HMX1: variants seen among roughly 807,000 people sequenced by gnomAD.
The protein encoded by HMX1 is H6 family homeobox 1, also known as homeobox protein HMX1.
In HMX1, 8 loss-of-function variants were observed where a neutral mutation model predicts 8.9. The ratio of observed to expected loss-of-function variants is 0.90; its 90% confidence interval spans 0.53 to 1.63. The LOEUF is 1.63. HMX1 is among the 40% of genes most tolerant of loss of function. The pLI is 0.00. For missense variants in HMX1, 621 were observed against 558.5 expected (o/e 1.11, Z -1.13); for synonymous variants, 311 against 283.4 (o/e 1.10, Z -0.98).
intron 1 of HMX1, among the ~76,000 whole-genome samples, chr4:8,855,955 G>A (rs566833791): frequency 6.6e-6 from 1 of 152,302 alleles, no homozygotes; most frequent in Non-Finnish European, 1.5e-5. Context: ...GGGGATCTAC[G>A]CCCTCCAGCG....
At position 8,867,125 on chromosome 4, in the gene HMX1, G is replaced by A; in HGVS notation, c.*568C>T. 3 of 985,492 alleles carry A rather than the reference G, an allele frequency of 3.0e-6. No homozygotes were observed. The highest frequency in any genetic ancestry group is 3.6e-6 in the Non-Finnish European group (3 of 829,972). 61.0% of individuals were successfully genotyped at this position (985,492 alleles called of 1,614,324 possible). On this transcript the variant is annotated 3_prime_UTR_variant, in exon 2 of 2. Coordinates refer to ENST00000400677, the MANE Select transcript of HMX1 (RefSeq NM_018942.3). Reference sequence around the variant, plus strand: ...AAAACAACAACCCGGAGGCTGCGACGTCTGCAGAGAGCCCCAGCCTGCCTG... The same window carrying A: ...AAAACAACAACCCGGAGGCTGCGACATCTGCAGAGAGCCCCAGCCTGCCTG...
chr4:8,871,609 AGGCATCGC>A lies in HMX1; in HGVS notation c.-3_5del. The A allele has an allele frequency of 7.7e-7, 1 of 1,295,764 alleles. No individual in the cohort carries two copies. Among genetic ancestry groups the A allele is most frequent in the Non-Finnish European group, 9.8e-7 (1 of 1,022,240 alleles). The allele number at this position is 1,295,764 out of a possible 1,614,324, so 80.3% of individuals were successfully genotyped here. On this transcript the variant is annotated start_lost and 5_prime_UTR_variant, in exon 1 of 2. Coordinates refer to ENST00000400677, the MANE Select transcript of HMX1 (RefSeq NM_018942.3). This position sits in a 1 kb window ranked among gnomAD's most constrained non-coding sequence, Gnocchi z 4.8. Reference sequence around the variant, plus strand: ...CGCGCCCGGGCTCCGTCAGCTCGTCAGGCATCGCGGCCGCGGGCTTCTCGGGCTCGGCC... The same window carrying A: ...CGCGCCCGGGCTCCGTCAGCTCGTCAGGCCGCGGGCTTCTCGGGCTCGGCC...
intron 1 of HMX1, among the ~76,000 whole-genome samples, chr4:8,850,366 T>G (rs1721407725): frequency 6.6e-6 from 1 of 152,078 alleles, no homozygotes. Context: ...CCTGGAGGTG[T>G]TGTCTCCATC....
At position 8,868,122 on chromosome 4, in the gene HMX1, C is replaced by T. The variant is rs1460626582; in HGVS notation, c.618G>A (p.Thr206=). The part of the protein sequence containing the change: ...VGVGGGRKKK[T]RTVFSRSQVF... ...CCTGGCTGCGGGAGAAGACTGTGCG[C>T]GTCTTCTTCTTTCGGCCGCCGCCCA... Residue 206 remains threonine (T), a synonymous_variant, in exon 2 of 2, where the codon ACG becomes ACA. Coordinates refer to ENST00000400677, the MANE Select transcript of HMX1 (RefSeq NM_018942.3). This position sits in a 1 kb window ranked among gnomAD's most constrained non-coding sequence, Gnocchi z 4.6. The T allele has an allele frequency of 4.6e-6, 7 of 1,515,768 alleles. No individual in the cohort carries two copies. Among genetic ancestry groups the T allele is most frequent in the African/African-American group, 2.8e-5 (2 of 70,484 alleles). The allele number at this position is 1,515,768 out of a possible 1,614,324, so 93.9% of individuals were successfully genotyped here. A position where few individuals can be genotyped will look rare whatever the true frequency, so the allele number is the denominator to read the frequency against.
downstream of HMX1, among the ~76,000 whole-genome samples, chr4:8,863,128 T>C (rs371815826): frequency 3.3e-5 from 5 of 152,052 alleles, no homozygotes; most frequent in African/African-American, 1.2e-4. Context: ...GGCCGAAGGG[T>C]ATGAAGCATA....
chr4:8,854,070 C>G (rs1400817446), intron 1 of HMX1, among the ~76,000 whole-genome samples: 1 of 152,222 alleles, frequency 6.6e-6, no homozygotes, highest in Non-Finnish European at 1.5e-5. Context: ...AAACAGCTGT[C>G]CATCCCCACC....
intron 1 of HMX1, among the ~76,000 whole-genome samples, chr4:8,851,939 C>A (rs937926669): frequency 7.9e-5 from 12 of 152,360 alleles, no homozygotes; most frequent in African/African-American, 2.6e-4. Context: ...GATGGGAGGG[C>A]CTCGAACCTG....
chr4:8,870,233 G>T lies in HMX1; in HGVS notation c.394+988C>A, dbSNP rs13303109. 6.6e-6 allele frequency among the ~76,000 whole-genome samples: 1 copy of T among 151,658 alleles called. No individual in the cohort carries two copies. The highest frequency in any genetic ancestry group is 1.5e-5 in the Non-Finnish European group (1 of 67,902). On this transcript the variant is annotated intron_variant, in intron 1 of 1. Transcript: ENST00000400677. This position sits in a 1 kb window ranked among gnomAD's most constrained non-coding sequence, Gnocchi z 4.4. Reference sequence around the variant, plus strand: ...CCAAAGGCTGTGTTGGGGGTGGGGGGCTGGCTAAGCCAGGGCTTGGGGGGT... The same window carrying T: ...CCAAAGGCTGTGTTGGGGGTGGGGGTCTGGCTAAGCCAGGGCTTGGGGGGT...
Position 8,847,482 on chromosome 4 carries a change from T to C in HMX1, c.395-1158A>G. Among the ~76,000 whole-genome samples, 1 of 152,232 alleles carries C rather than the reference T, an allele frequency of 6.6e-6. No individual in the cohort carries two copies. The highest frequency in any genetic ancestry group is 1.9e-4 in the East Asian group (1 of 5,196). On this transcript the variant is annotated intron_variant, in intron 1 of 1. Coordinates refer to the HMX1 transcript ENST00000506970. This position sits in a 1 kb window ranked among gnomAD's most constrained non-coding sequence, Gnocchi z 6.0. Reference sequence around the variant, plus strand: ...GATGCCGCCAACAGACGGAAGCCACTGAGCCCTGCTCTTCGGAAGATGCTG... The same window carrying C: ...GATGCCGCCAACAGACGGAAGCCACCGAGCCCTGCTCTTCGGAAGATGCTG...
rs1426350296 is a variant in HMX1, at chr4:8,870,005, G to A, written c.394+1216C>T. 1.3e-5 allele frequency among the ~76,000 whole-genome samples: 2 copies of A among 152,142 alleles called. No homozygotes were observed. The highest frequency in any genetic ancestry group is 2.9e-5 in the Non-Finnish European group (2 of 68,030). Reference sequence around the variant, plus strand: ...CTCAAGTCTACGTGAAGGGGGTGGGGGCCTAGACTTCCTGAGTGTGGGTGC... The same window carrying A: ...CTCAAGTCTACGTGAAGGGGGTGGGAGCCTAGACTTCCTGAGTGTGGGTGC... On this transcript the variant is annotated intron_variant, in intron 1 of 1. Coordinates refer to ENST00000400677, the MANE Select transcript of HMX1 (RefSeq NM_018942.3). This position sits in a 1 kb window ranked among gnomAD's most constrained non-coding sequence, Gnocchi z 4.4.
At chr4:8,858,844 G>T (rs932346482) in intron 1 of HMX1, 1 of 152,382 alleles carries the variant, frequency 6.6e-6, no homozygotes, top group African/African-American at 2.4e-5. Flanking sequence ...GGACACTGGG[G>T]TGGGCGAGCT....
intron 1 of HMX1, among the ~76,000 whole-genome samples, chr4:8,857,549 G>T (rs1444984778): frequency 6.6e-6 from 1 of 152,176 alleles, no homozygotes; most frequent in Non-Finnish European, 1.5e-5. Context: ...CTGACCTAGA[G>T]CCCATCCCTG....
At position 8,867,751 on chromosome 4, in the gene HMX1, G is replaced by C. The variant is rs2109472566; in HGVS notation, c.989C>G (p.Ala330Gly). The C allele has an allele frequency of 7.8e-7, 1 of 1,288,594 alleles. No homozygotes were observed. The highest frequency in any genetic ancestry group is 3.1e-5 in the East Asian group (1 of 32,160). 79.8% of individuals were successfully genotyped at this position (1,288,594 alleles called of 1,614,324 possible). Reference protein sequence around the residue: ...FSGALAYPLAAFPAAASVPFL... With the variant: ...FSGALAYPLAGFPAAASVPFL... Reference sequence around the variant, plus strand: ...GGGCACGGAGGCGGCGGCCGGGAAGGCGGCCAGCGGGTAGGCGAGGGCCCC... The same window carrying C: ...GGGCACGGAGGCGGCGGCCGGGAAGCCGGCCAGCGGGTAGGCGAGGGCCCC... Residue 330 changes from alanine to glycine, a missense_variant, in exon 2 of 2, where the codon GCC (alanine) becomes GGC (glycine). Physicochemically the swap from Ala to Gly is moderately conservative, Grantham distance 60. Coordinates refer to ENST00000400677, the MANE Select transcript of HMX1 (RefSeq NM_018942.3).
At position 8,867,864 on chromosome 4, in the gene HMX1, G is replaced by A; in HGVS notation, c.876C>T (p.Ala292=). Residue 292 remains alanine, a synonymous_variant, in exon 2 of 2, where the codon GCC becomes GCT. Transcript: ENST00000400677. ...TGGCCGGGGGCCCAGCGGCGGCTGC[G>A]GCCGGGGGGCTTTCGTGGTAGAGCA... The part of the protein sequence containing the change: ...VPVLYHESPP[A]AAAAGPPATL... 8.0e-7 allele frequency: 1 copy of A among 1,248,748 alleles called. No individual in the cohort carries two copies. The allele number at this position is 1,248,748 out of a possible 1,614,324, so 77.4% of individuals were successfully genotyped here.
At chr4:8,854,898 C>T (rs933218445) in intron 1 of HMX1, among the ~76,000 whole-genome samples, 25 of 152,236 alleles carry the variant, frequency 1.6e-4, no homozygotes, top group African/African-American at 5.1e-4. Flanking sequence ...TCTGTAAATA[C>T]AGAAGCGTGC....
At chr4:8,856,198 C>A (rs929441385) in intron 1 of HMX1, among the ~76,000 whole-genome samples, 1 of 152,162 alleles carries the variant, frequency 6.6e-6, no homozygotes, top group Non-Finnish European at 1.5e-5. Flanking sequence ...AAGTGAACTT[C>A]CCACCTTCCA....
downstream of HMX1, among the ~76,000 whole-genome samples, chr4:8,862,504 CCTT>C (rs1721861326): frequency 6.6e-6 from 1 of 152,230 alleles, no homozygotes; most frequent in Non-Finnish European, 1.5e-5. Flanking sequence ...CTATTGGCCT[CCTT>C]TTATTTGTAC....
At chr4:8,869,764 T>C (rs1379187732) in intron 1 of HMX1, among the ~76,000 whole-genome samples, 1 of 152,128 alleles carries the variant, frequency 6.6e-6, no homozygotes, top group East Asian at 1.9e-4. Flanking sequence ...GGCACTAGGC[T>C]GACTTGCCAG....
chr4:8,868,337 G>C lies in HMX1; in HGVS notation c.403C>G (p.Arg135Gly). The C allele has an allele frequency of 7.2e-7, 1 of 1,384,604 alleles. No homozygotes were observed. Among genetic ancestry groups the C allele is most frequent in the Non-Finnish European group, 9.3e-7 (1 of 1,078,420 alleles). 85.8% of individuals were successfully genotyped at this position (1,384,604 alleles called of 1,614,324 possible). ...TCCTCGCCCGTCTCCGGTGAGTCCC[G>C]GTCGCTGGCTGCAGGGGAGAGAGGG... Reference protein sequence around the residue: ...GGGLSPDTSDRDSPETGEEMG... With the variant: ...GGGLSPDTSDGDSPETGEEMG... Residue 135 changes from arginine (R) to glycine (G), a missense_variant, in exon 2 of 2, where the codon CGG becomes GGG. By Grantham distance (125) the Arg-to-Gly change is moderately radical. Coordinates refer to ENST00000400677, the MANE Select transcript of HMX1 (RefSeq NM_018942.3). This position sits in a 1 kb window ranked among gnomAD's most constrained non-coding sequence, Gnocchi z 4.6.
Sources: allele counts gnomAD v4.1 joint callset (sites outside exome capture counted in the v4.1 genomes callset), GRCh38; gene constraint gnomAD v4.1.1; non-coding constraint Gnocchi (gnomAD v3.1); transcripts MANE v1.5; gene names NCBI Gene and HGNC (gene_info 2026-07-23, HGNC 2026-07-21).